PCDHGB2: variants seen among roughly 807,000 people sequenced by gnomAD.
The protein encoded by PCDHGB2 is protocadherin gamma-B2.
A neutral mutation model predicts 59.3 loss-of-function variants in PCDHGB2; 55 were observed. The observed-to-expected ratio is 0.93, with a 90% CI of 0.75 to 1.16. PCDHGB2 has a LOEUF of 1.16. Ranked by LOEUF, PCDHGB2 falls within the 50% of genes most tolerant of loss-of-function variation. The pLI, the probability that PCDHGB2 is intolerant of heterozygous loss-of-function variation, is 0.00. For missense variants in PCDHGB2, 1,228 were observed against 1,198.5 expected (o/e 1.02, Z -0.36); for synonymous variants, 516 against 512.0 (o/e 1.01, Z -0.11).
intron 1 of PCDHGB2, chr5:141,415,014 C>T (rs747951360): frequency 1.2e-6 from 2 of 1,613,620 alleles, no homozygotes; most frequent in Non-Finnish European, 1.7e-6. Context: ...ACCGTCTGCT[C>T]AAGGCCAGCG....
At chr5:141,366,241 G>A in intron 1 of PCDHGB2, 2 of 1,613,748 alleles carry the variant, frequency 1.2e-6, no homozygotes, top group South Asian at 2.2e-5. Flanking sequence ...ACAGAGACGC[G>A]CTCAAGCAGA....
intron 1 of PCDHGB2, among the ~76,000 whole-genome samples, chr5:141,435,592 C>T (rs573084790): frequency 1.3e-5 from 2 of 152,060 alleles, no homozygotes; most frequent in African/African-American, 2.4e-5. Flanking sequence ...GCAGTAATAT[C>T]GCCTGCTTTT....
intron 2 of PCDHGB2, among the ~76,000 whole-genome samples, chr5:141,500,939 G>T (rs2099804123): frequency 6.6e-6 from 1 of 151,680 alleles, no homozygotes; most frequent in South Asian, 2.1e-4. Context: ...CGCCATCTCG[G>T]CTCACTGCAA....
At chr5:141,372,999 A>T (rs978002014) in intron 1 of PCDHGB2, among the ~76,000 whole-genome samples, 9 of 152,148 alleles carry the variant, frequency 5.9e-5, no homozygotes, top group Non-Finnish European at 7.3e-5. Flanking sequence ...TTGTTCTTTC[A>T]TAGAAAGCCT....
intron 1 of PCDHGB2, among the ~76,000 whole-genome samples, chr5:141,438,036 C>T (rs1299733977): frequency 4.6e-5 from 7 of 152,026 alleles, no homozygotes; most frequent in South Asian, 2.1e-4. Flanking sequence ...CCACCATGCC[C>T]GACCACTTTG....
chr5:141,475,254 C>T (rs776471860), intron 1 of PCDHGB2, among the ~76,000 whole-genome samples: 9 of 152,208 alleles, frequency 5.9e-5, no homozygotes, highest in Admixed American at 1.3e-4. Flanking sequence ...TGCTCTACAA[C>T]TGAGATCATG....
In PCDHGB2 at chr5:141,399,918, C is replaced by T. The variant is rs1163309827; in HGVS notation, c.2421+37362C>T. On this transcript the variant is annotated intron_variant, in intron 1 of 3. Coordinates refer to ENST00000522605, the MANE Select transcript of PCDHGB2 (RefSeq NM_018923.3). ...CCGTGGACGCAGACTCAGGACACAA[C>T]GCCTGGCTGTCCTACCACGTGCTGC... The T allele has an allele frequency of 4.3e-6, 7 of 1,612,240 alleles. No individual in the cohort carries two copies. In the East Asian group the frequency reaches 8.9e-5, roughly 21 times the overall value.
At chr5:141,376,318 G>A (rs373956139) in intron 1 of PCDHGB2, 28 of 1,614,082 alleles carry the variant, frequency 1.7e-5, no homozygotes, top group Non-Finnish European at 1.9e-5. Context: ...GCGTGGAAGG[G>A]GTTCGGGCTT....
chr5:141,396,814 G>C (rs573559857), intron 1 of PCDHGB2, among the ~76,000 whole-genome samples: 10 of 152,322 alleles, frequency 6.6e-5, no homozygotes, highest in African/African-American at 2.2e-4. Flanking sequence ...GTGTTCTACT[G>C]TATGGTGCAT....
intron 1 of PCDHGB2, among the ~76,000 whole-genome samples, chr5:141,454,491 C>T (rs956727548): frequency 6.6e-6 from 1 of 152,194 alleles, no homozygotes; most frequent in South Asian, 2.1e-4. Context: ...ACCGCAACCT[C>T]CACCTCCTGG....
intron 1 of PCDHGB2, chr5:141,417,266 T>C (rs2096102700): frequency 6.6e-6 from 1 of 152,184 alleles, no homozygotes; most frequent in Non-Finnish European, 1.5e-5. Context: ...CATAGATAAT[T>C]ACTCTTAAAA....
rs377387694 is a variant in PCDHGB2 at position 141,366,375 on chromosome 5, T to C, written c.2421+3819T>C. 67 of 1,614,096 alleles carry C rather than the reference T, an allele frequency of 4.2e-5. No individual in the cohort carries two copies. Among genetic ancestry groups the C allele is most frequent in the East Asian group, 1.8e-4 (8 of 44,892 alleles). ...GACCTAGGCAGTATCAAGACCCCCA[T>C]TGACCCTGAGGATCTGGACCTCACA... On this transcript the variant is annotated intron_variant, in intron 1 of 3. Transcript: ENST00000522605.
intron 1 of PCDHGB2, chr5:141,398,627 T>C: frequency 6.2e-7 from 1 of 1,614,044 alleles, no homozygotes; most frequent in Non-Finnish European, 8.5e-7. Context: ...TTAAACTCTC[T>C]GCAGAAGTAT....
rs1340590903 is a variant in PCDHGB2, at chr5:141,432,842, G to A, written c.2422-61965G>A. On this transcript the variant is annotated intron_variant, in intron 1 of 3. Coordinates refer to ENST00000522605, the MANE Select transcript of PCDHGB2 (RefSeq NM_018923.3). This position sits in a 1 kb window ranked among gnomAD's most constrained non-coding sequence, Gnocchi z 6.0. ...CTCAGACCTCACTCTGTACCTGGTG[G>A]TAGCGGTGGCCGCGGTCTCCTGCGT... 5 of 1,614,192 alleles carry A rather than the reference G, an allele frequency of 3.1e-6. No individual in the cohort carries two copies. The South Asian group carries it at 4.4e-5, about 14-fold the overall frequency.
chr5:141,397,205 AAG>A (rs896486095), intron 1 of PCDHGB2, among the ~76,000 whole-genome samples: 76 of 152,336 alleles, frequency 5.0e-4, no homozygotes, highest in African/African-American at 1.8e-3. Context: ...GATATGACAT[AAG>A]AGAAGTATTT....
chr5:141,370,637 TG>T (rs1257063256), intron 1 of PCDHGB2: 1 of 1,613,770 alleles, frequency 6.2e-7, no homozygotes, highest in Non-Finnish European at 8.5e-7. Flanking sequence ...GCCCCGAAAA[TG>T]GGAACTTACT....
At chr5:141,371,633 G>C in intron 1 of PCDHGB2, 1 of 1,614,040 alleles carries the variant, frequency 6.2e-7, no homozygotes, top group Non-Finnish European at 8.5e-7. Context: ...TGGACCGGGA[G>C]CAGATCCCAG....
chr5:141,502,087 C>T (rs1289663374), intron 2 of PCDHGB2, among the ~76,000 whole-genome samples: 1 of 152,180 alleles, frequency 6.6e-6, no homozygotes, highest in Admixed American at 6.5e-5. Context: ...GGGCTGAGAA[C>T]ACCTGGCCTT....
At chr5:141,413,389 T>C (rs370906684) in intron 1 of PCDHGB2, 1 of 1,613,986 alleles carries the variant, frequency 6.2e-7, no homozygotes, top group South Asian at 1.1e-5. Context: ...CCGCATAGTC[T>C]CCAGAGGTAG....
Sources: gnomAD v4.1 joint callset for allele counts (sites outside exome capture counted in the v4.1 genomes callset) on GRCh38, gnomAD v4.1.1 for gene constraint, Gnocchi (gnomAD v3.1) non-coding constraint, MANE v1.5 for transcripts, NCBI Gene and HGNC (gene_info 2026-07-23, HGNC 2026-07-21) for gene names.